NINL: variants seen among roughly 807,000 people sequenced by gnomAD.
NINL encodes ninein like, also known as ninein-like protein.
Under a neutral mutation model 160.3 loss-of-function variants are expected in NINL, and 153 were observed. The ratio of observed to expected loss-of-function variants is 0.95; its 90% confidence interval spans 0.84 to 1.09. The LOEUF (loss-of-function observed/expected upper bound fraction) is 1.09. NINL is among the 50% of genes least tolerant of loss of function. The pLI is 0.00. For missense variants in NINL, 1,829 were observed against 1,764.0 expected (o/e 1.04, Z -0.66); for synonymous variants, 800 against 734.8 (o/e 1.09, Z -1.43).
chr20:25,492,816 G>A (rs2063670064), intron 10 of NINL, among the ~76,000 whole-genome samples: 1 of 152,128 alleles, frequency 6.6e-6, no homozygotes, highest in Non-Finnish European at 1.5e-5. Flanking sequence ...AATGTAAAGA[G>A]TGATACCCCC....
chr20:25,498,252 T>C lies in NINL; in HGVS notation c.1127A>G (p.Gln376Arg). The change falls in exon 9 of 24, where the codon CAG (glutamine) becomes CGG (arginine). Residue 376 changes from glutamine to arginine, a missense_variant. Physicochemically the swap from Gln to Arg is conservative, Grantham distance 43. Transcript: ENST00000278886. ...ELMTVDSAVQ[Q>R]AALACYHQEL... The stretch of plus-strand genomic sequence containing the variant: ...CTGGTGGTAGCAGGCCAGGGCTGCC[T>C]GCTGGACGGCACTGTCCACTGTCAT... 1 of 1,613,186 alleles carries C rather than the reference T, an allele frequency of 6.2e-7. No homozygotes were observed. The highest frequency in any genetic ancestry group is 8.5e-7 in the Non-Finnish European group (1 of 1,180,022).
intron 1 of NINL, among the ~76,000 whole-genome samples, chr20:25,584,899 G>C (rs1432901109): frequency 1.3e-5 from 2 of 152,244 alleles, no homozygotes; most frequent in Non-Finnish European, 2.9e-5. Context: ...TGCAAAACGA[G>C]TACAACAGAT....
intron 13 of NINL, among the ~76,000 whole-genome samples, chr20:25,482,542 G>A (rs2063414134): frequency 6.6e-6 from 1 of 151,674 alleles, no homozygotes; most frequent in Admixed American, 6.6e-5. Context: ...GTAGAGATGG[G>A]GTTTCACCAT....
intron 5 of NINL, among the ~76,000 whole-genome samples, chr20:25,506,845 G>A (rs142734658): frequency 1.3e-5 from 2 of 152,240 alleles, no homozygotes; most frequent in East Asian, 1.9e-4. Context: ...ATCTGAAATC[G>A]CAGATCTCAT....
intron 1 of NINL, among the ~76,000 whole-genome samples, chr20:25,567,534 A>C (rs1243303449): frequency 6.6e-6 from 1 of 152,274 alleles, no homozygotes; most frequent in East Asian, 1.9e-4. Context: ...AAAGACCTAG[A>C]CCTATCATAT....
At chr20:25,523,420 T>C (rs1296533731) in intron 2 of NINL, among the ~76,000 whole-genome samples, 1 of 151,960 alleles carries the variant, frequency 6.6e-6, no homozygotes, top group Non-Finnish European at 1.5e-5. Flanking sequence ...TCCAGCTACC[T>C]TTAAGATTCT....
chr20:25,477,060 T>C lies in NINL; in HGVS notation c.2231A>G (p.Glu744Gly). Residue 744 changes from glutamate to glycine, a missense_variant, in exon 17 of 24, where the codon GAG becomes GGG. Coordinates refer to ENST00000278886, the MANE Select transcript of NINL (RefSeq NM_025176.6). ...RREAEAELSG[E>G]LSGLGALPAR... ...GGGCAGGGCTCCCAGCCCCGACAGCTCTCCACTCAGCTCCGCCTCAGCCTC... is the reference window on the plus strand; with the variant it reads ...GGGCAGGGCTCCCAGCCCCGACAGCCCTCCACTCAGCTCCGCCTCAGCCTC... The C allele has an allele frequency of 6.3e-7, 1 of 1,597,752 alleles. No individual in the cohort carries two copies. Among genetic ancestry groups the C allele is most frequent in the Non-Finnish European group, 8.5e-7 (1 of 1,179,376 alleles).
At chr20:25,482,395 C>T (rs2063410051) in intron 13 of NINL, among the ~76,000 whole-genome samples, 1 of 152,174 alleles carries the variant, frequency 6.6e-6, no homozygotes, top group South Asian at 2.1e-4. Flanking sequence ...CTGGAGTGCA[C>T]TGGTGCAATC....
At chr20:25,560,023 C>T (rs149715475) in intron 1 of NINL, among the ~76,000 whole-genome samples, 2 of 152,324 alleles carry the variant, frequency 1.3e-5, no homozygotes, top group African/African-American at 4.8e-5. Context: ...GCCTTAACCT[C>T]CTGGGTTCAA....
At chr20:25,545,332 C>T (rs1264313792) in intron 1 of NINL, among the ~76,000 whole-genome samples, 2 of 152,178 alleles carry the variant, frequency 1.3e-5, no homozygotes, top group East Asian at 3.9e-4. Context: ...CTTTCCTCTG[C>T]ATTTGGGAAA....
chr20:25,493,873 C>G (rs1404475195), intron 10 of NINL, among the ~76,000 whole-genome samples: 1 of 152,102 alleles, frequency 6.6e-6, no homozygotes, highest in Non-Finnish European at 1.5e-5. Flanking sequence ...CCAGCCACTG[C>G]CTGCACCTGT....
At chr20:25,507,986 T>C (rs1049966599) in intron 5 of NINL, among the ~76,000 whole-genome samples, 2 of 152,154 alleles carry the variant, frequency 1.3e-5, no homozygotes, top group African/African-American at 2.4e-5. Context: ...CCCAACCTGG[T>C]TGGGGCAGAG....
intron 23 of NINL, among the ~76,000 whole-genome samples, 192 bp downstream of exon 23, chr20:25,455,481 A>G (rs1242086894): frequency 6.6e-6 from 1 of 152,220 alleles, no homozygotes; most frequent in African/African-American, 2.4e-5. Context: ...GTGAACACCC[A>G]AAGGACAGAT....
In NINL at chr20:25,571,838, A is replaced by C. The variant is rs1454933594; in HGVS notation, c.-12+13617T>G. Among the ~76,000 whole-genome samples the C allele has an allele frequency of 2.4e-5, 3 of 125,526 alleles. 1 individual carries two copies. In the South Asian group the frequency reaches 8.8e-4, roughly 37 times the overall value. The allele number at this position is 125,526 out of a possible 152,430, so 82.3% of individuals were successfully genotyped here. On this transcript the variant is annotated intron_variant, in intron 1 of 23. Transcript: ENST00000278886. ...AACCAAGATCACACCACTGCACTCCAGCCTGGTCAAGAGAGTGAGACTCTG... is the reference window on the plus strand; with the variant it reads ...AACCAAGATCACACCACTGCACTCCCGCCTGGTCAAGAGAGTGAGACTCTG...
At chr20:25,532,254 TCC>T (rs1426711196) in intron 1 of NINL, among the ~76,000 whole-genome samples, 2 of 152,186 alleles carry the variant, frequency 1.3e-5, no homozygotes, top group Non-Finnish European at 2.9e-5. Context: ...CCACACCGCT[TCC>T]CTTCCTCCCA....
intron 1 of NINL, among the ~76,000 whole-genome samples, chr20:25,529,841 AAAAT>A (rs1438652147): frequency 3.9e-5 from 6 of 152,148 alleles, no homozygotes; most frequent in Non-Finnish European, 8.8e-5. Context: ...ACCTCGTCTC[AAAAT>A]AAATAAATAA....
intron 17 of NINL, 41 bp downstream of exon 17, chr20:25,476,002 A>T: frequency 6.3e-7 from 1 of 1,576,736 alleles, no homozygotes; most frequent in Non-Finnish European, 8.6e-7. Context: ...CTGCATTTTT[A>T]GTTTGAAGTG....
intron 17 of NINL, 80 bp from the exon 18 acceptor site, chr20:25,470,175 T>A: frequency 9.2e-7 from 1 of 1,087,080 alleles, no homozygotes; most frequent in Admixed American, 1.7e-5. Flanking sequence ...CAGCGGGGAG[T>A]CCTGAGAACT....
intron 2 of NINL, among the ~76,000 whole-genome samples, chr20:25,525,763 G>A (rs929451271): frequency 1.1e-4 from 16 of 152,210 alleles, no homozygotes; most frequent in African/African-American, 3.6e-4. Flanking sequence ...ATCCAGGCAT[G>A]TTTAAGAAGT....
Sources: gnomAD v4.1 joint callset for allele counts (sites outside exome capture counted in the v4.1 genomes callset) on GRCh38, gnomAD v4.1.1 for gene constraint, MANE v1.5 for transcripts, NCBI Gene and HGNC (gene_info 2026-07-23, HGNC 2026-07-21) for gene names.